The following KLHDC4 variants were observed in gnomAD, a reference collection of about 807,000 sequenced individuals.
The protein encoded by KLHDC4 is kelch domain containing 4.
KLHDC4 carries 90 observed loss-of-function variants against 62.4 expected under a neutral mutation model. The observed-to-expected ratio is 1.44, with a 90% CI of 1.22 to 1.72. The LOEUF is 1.72. Ranked by LOEUF, KLHDC4 falls within the 40% of genes most tolerant of loss-of-function variation. The pLI is 0.00. For synonymous variants in KLHDC4, 386 were observed against 284.4 expected, an observed-to-expected ratio of 1.36 and a Z score of -3.59; for missense variants, 1,025 against 699.7, an observed-to-expected ratio of 1.47 and a Z score of -5.25.
intron 6 of KLHDC4, among the ~76,000 whole-genome samples, chr16:87,729,081 A>C (rs1347609322): frequency 6.6e-6 from 1 of 152,148 alleles, no homozygotes; most frequent in Non-Finnish European, 1.5e-5. Flanking sequence ...CCAGCCTTAA[A>C]TACTTTTTAG....
At chr16:87,698,634 G>A (rs1239041724) in exon 1 of KLHDC4, 2 of 152,272 alleles carry the variant, frequency 1.3e-5, no homozygotes, top group Non-Finnish European at 2.9e-5. Flanking sequence ...AGAGGGCAAA[G>A]CCACTTCCCT....
At chr16:87,721,414 TAAAAAAAAAAAAA>T (rs1176744434) in intron 7 of KLHDC4, among the ~76,000 whole-genome samples, 3 of 78,902 alleles carry the variant, frequency 3.8e-5, no homozygotes, top group South Asian at 8.9e-4. Flanking sequence ...ACTCTGTCTC[TAAAAAAAAAAAAA>T]AAAAAAAAAA....
In KLHDC4 at chr16:87,707,989, G is replaced by A. The variant is rs114522558; in HGVS notation, c.*88C>T. 692 of 480,114 alleles carry A rather than the reference G, an allele frequency of 1.4e-3. 3 individuals carry two copies. Among genetic ancestry groups the A allele is most frequent in the African/African-American group, 0.012 (600 of 51,236 alleles). The allele number at this position is 480,114 out of a possible 1,614,324, so 29.7% of individuals were successfully genotyped here. ...CTCTCTCCTGTGCGTCAGGACGCAC[G>A]CTGGCCCCAAGAGCTTCACTCAACA... On this transcript the variant is annotated 3_prime_UTR_variant, in exon 12 of 12. Transcript: ENST00000270583.
At chr16:87,719,159 C>A (rs1257519674) in intron 7 of KLHDC4, among the ~76,000 whole-genome samples, 2 of 152,246 alleles carry the variant, frequency 1.3e-5, no homozygotes, top group African/African-American at 4.8e-5. Flanking sequence ...GCCACCCCGT[C>A]TGGGAGGAGT....
At chr16:87,724,891 T>C (rs1194567463) in intron 7 of KLHDC4, among the ~76,000 whole-genome samples, 1 of 152,178 alleles carries the variant, frequency 6.6e-6, no homozygotes, top group Non-Finnish European at 1.5e-5. Context: ...ATGGACGTGC[T>C]CATAGCAGCT....
At chr16:87,754,179 T>A (rs908517102) in intron 4 of KLHDC4, among the ~76,000 whole-genome samples, 3 of 151,780 alleles carry the variant, frequency 2.0e-5, no homozygotes, top group Non-Finnish European at 2.9e-5. Flanking sequence ...GAAGGCACCT[T>A]AGCCACCTAA....
At chr16:87,729,646 G>C (rs1189027726) in intron 6 of KLHDC4, among the ~76,000 whole-genome samples, 1 of 152,232 alleles carries the variant, frequency 6.6e-6, no homozygotes, top group Non-Finnish European at 1.5e-5. Flanking sequence ...AGCTCACCCT[G>C]GGCAGCCATG....
chr16:87,706,113 G>A (rs1293951629), downstream of KLHDC4, among the ~76,000 whole-genome samples: 1 of 135,178 alleles, frequency 7.4e-6, no homozygotes, highest in Non-Finnish European at 1.6e-5. Flanking sequence ...GGCTGCCGGC[G>A]CAAAAGCAAA....
chr16:87,705,503 G>A (rs1158539237), downstream of KLHDC4, among the ~76,000 whole-genome samples: 4 of 152,350 alleles, frequency 2.6e-5, no homozygotes, highest in Non-Finnish European at 4.4e-5. Context: ...AGCAACAAAA[G>A]CAAAATGCTT....
At position 87,736,674 on chromosome 16, in the gene KLHDC4, G is replaced by C. The variant is rs117756223; in HGVS notation, c.507-6030C>G. On this transcript the variant is annotated intron_variant, in intron 5 of 11. Coordinates refer to ENST00000270583, the MANE Select transcript of KLHDC4 (RefSeq NM_017566.4). The stretch of plus-strand genomic sequence containing the variant: ...GATTAGTAGCCGTCTCCAGAATTCA[G>C]GCAACTTATAAACCACACCCTTGTC... Among the ~76,000 whole-genome samples, 16 of 152,256 alleles carry C rather than the reference G, an allele frequency of 1.1e-4. No individual in the cohort carries two copies. In the South Asian group the frequency reaches 1.5e-3, roughly 14 times the overall value.
chr16:87,759,756 G>C (rs1008961161), intron 2 of KLHDC4, among the ~76,000 whole-genome samples: 2 of 151,934 alleles, frequency 1.3e-5, no homozygotes, highest in Admixed American at 1.3e-4. Flanking sequence ...AAAAAATAAA[G>C]AGTGTTTCCC....
intron 7 of KLHDC4, among the ~76,000 whole-genome samples, chr16:87,717,654 G>T (rs1439474418): frequency 6.6e-6 from 1 of 150,974 alleles, no homozygotes; most frequent in Non-Finnish European, 1.5e-5. Flanking sequence ...ATAGAAAATG[G>T]CTGTCATTTC....
chr16:87,752,381 G>A (rs935084852), intron 4 of KLHDC4, among the ~76,000 whole-genome samples: 14 of 148,580 alleles, frequency 9.4e-5, no homozygotes, highest in Non-Finnish European at 1.9e-4. Context: ...CTGTCACCAG[G>A]CTGGAGTGCA....
intron 3 of KLHDC4, 119 bp from the exon 4 acceptor site, chr16:87,755,411 T>C (rs1473292499): frequency 1.7e-6 from 1 of 600,054 alleles, no homozygotes; most frequent in South Asian, 1.9e-5. Context: ...ATGTAAACCA[T>C]ACCAGCACAG....
intron 10 of KLHDC4, among the ~76,000 whole-genome samples, chr16:87,708,805 T>C (rs35437377): frequency 0.02 from 3,060 of 152,272 alleles, 111 homozygotes; most frequent in African/African-American, 0.07. Context: ...TTTCCCTAGA[T>C]TTGTGGATTT....
chr16:87,731,730 C>T (rs976248019), intron 5 of KLHDC4, among the ~76,000 whole-genome samples: 8 of 152,204 alleles, frequency 5.3e-5, no homozygotes, highest in Admixed American at 3.9e-4. Context: ...GAAAGGAAAA[C>T]ACCAGTCCAC....
chr16:87,719,679 A>T (rs956785874), intron 7 of KLHDC4, among the ~76,000 whole-genome samples: 1 of 152,188 alleles, frequency 6.6e-6, no homozygotes, highest in Admixed American at 6.5e-5. Context: ...CTAAAAAAAA[A>T]AAACAAAAAA....
intron 5 of KLHDC4, among the ~76,000 whole-genome samples, chr16:87,731,191 G>A (rs543605860): frequency 1.3e-5 from 2 of 150,746 alleles, no homozygotes; most frequent in South Asian, 2.1e-4. Flanking sequence ...AGCCTCCTGA[G>A]TAGCTGGAAT....
chr16:87,738,445 T>G (rs2041722915), intron 5 of KLHDC4, among the ~76,000 whole-genome samples: 1 of 152,130 alleles, frequency 6.6e-6, no homozygotes, highest in African/African-American at 2.4e-5. Context: ...TACAAAGATG[T>G]ATGCACTGTC....
Sources: gnomAD v4.1 joint callset for allele counts (sites outside exome capture counted in the v4.1 genomes callset) on GRCh38, gnomAD v4.1.1 for gene constraint, MANE v1.5 for transcripts, NCBI Gene and HGNC (gene_info 2026-07-23, HGNC 2026-07-21) for gene names.